The following CES1 variants were observed in gnomAD, a reference collection of about 807,000 sequenced individuals.
The protein encoded by CES1 is carboxylesterase 1.
In CES1, 50 loss-of-function variants were observed where a neutral mutation model predicts 53.0. That is an observed-to-expected ratio of 0.94 (90% confidence interval 0.75 to 1.19). The LOEUF is 1.19. CES1 is among the 50% of genes most tolerant of loss of function. The pLI is 0.00. For missense variants in CES1, 534 were observed against 538.0 expected, an observed-to-expected ratio of 0.99 and a Z score of 0.07; for synonymous variants, 202 against 210.1, an observed-to-expected ratio of 0.96 and a Z score of 0.33.
At chr16:55,827,560 C>G (rs1176592182) in intron 2 of CES1, among the ~76,000 whole-genome samples, 3 of 152,010 alleles carry the variant, frequency 2.0e-5, no homozygotes, top group African/African-American at 7.3e-5. Context: ...TCAGAAATGT[C>G]ATTTCTGAGA....
intron 1 of CES1, among the ~76,000 whole-genome samples, chr16:55,829,799 C>G (rs1461837983): frequency 6.6e-6 from 1 of 152,236 alleles, no homozygotes; most frequent in Non-Finnish European, 1.5e-5. Context: ...AAGGAAGATT[C>G]TTCTGGTGGC....
At chr16:55,826,405 T>G in intron 2 of CES1, 110 bp from the exon 3 acceptor site, 1 of 1,336,760 alleles carries the variant, frequency 7.5e-7, no homozygotes, top group Non-Finnish European at 1.1e-6. Context: ...GACTTGATAG[T>G]TACAGACTCA....
intron 7 of CES1, 116 bp downstream of exon 7, chr16:55,819,419 G>A: frequency 1.2e-6 from 1 of 803,016 alleles, no homozygotes; most frequent in Non-Finnish European, 2.2e-6. Context: ...TCCCCATTCA[G>A]ATACTGAGAG....
rs779931254 is a variant in CES1 at position 55,821,377 on chromosome 16, G to A, written c.684C>T (p.Val228=). ...IFGESAGGES[V]SVLVLSPLAK... ...TGACAGGAAAACTCACAAGAACAGAGACACTTTCTCCTCCCGCTGACTCTC... is the reference window on the plus strand; with the variant it reads ...TGACAGGAAAACTCACAAGAACAGAAACACTTTCTCCTCCCGCTGACTCTC... The change falls in exon 5 of 14, where the codon GTC becomes GTT. Residue 228 remains valine (V), a synonymous_variant. Transcript: ENST00000360526. The A allele has an allele frequency of 3.7e-5, 60 of 1,614,220 alleles. No individual in the cohort carries two copies. In the Middle Eastern group the frequency reaches 4.6e-3, roughly 124 times the overall value.
At chr16:55,814,934 C>G (rs1483442782) in intron 8 of CES1, among the ~76,000 whole-genome samples, 1 of 152,234 alleles carries the variant, frequency 6.6e-6, no homozygotes, top group South Asian at 2.1e-4. Context: ...CTGTGCAGTT[C>G]AGGCAGGGCT....
chr16:55,821,665 A>G, intron 4 of CES1, 144 bp from the exon 5 acceptor site: 1 of 877,324 alleles, frequency 1.1e-6, no homozygotes, highest in Non-Finnish European at 1.8e-6. Context: ...TTTCATTAGT[A>G]CAGCATTGTG....
intron 1 of CES1, among the ~76,000 whole-genome samples, 181 bp from the exon 2 acceptor site, chr16:55,829,155 G>A (rs1191376387): frequency 6.6e-6 from 1 of 152,100 alleles, no homozygotes; most frequent in Admixed American, 6.5e-5. Flanking sequence ...CATTGAGCTG[G>A]TTTAATGGGC....
chr16:55,809,512 C>G (rs2031592278), intron 11 of CES1, among the ~76,000 whole-genome samples: 1 of 152,226 alleles, frequency 6.6e-6, no homozygotes, highest in African/African-American at 2.4e-5. Context: ...AGCTGGCACG[C>G]AGGAACAGAC....
intron 3 of CES1, among the ~76,000 whole-genome samples, chr16:55,825,286 C>T (rs1484356890): frequency 6.6e-6 from 1 of 152,232 alleles, no homozygotes; most frequent in Non-Finnish European, 1.5e-5. Flanking sequence ...CGTTCGCAGA[C>T]CTGCTCCCCC....
At chr16:55,813,145 G>A (rs1170069475) in intron 8 of CES1, 102 bp from the exon 9 acceptor site, 1 of 1,499,432 alleles carries the variant, frequency 6.7e-7, no homozygotes, top group East Asian at 2.2e-5. Flanking sequence ...AGACCGGCAT[G>A]GCCATGCGCC....
At chr16:55,822,738 G>A (rs1414564549) in intron 4 of CES1, among the ~76,000 whole-genome samples, 3 of 152,082 alleles carry the variant, frequency 2.0e-5, no homozygotes, top group African/African-American at 4.8e-5. Context: ...GGAGGAGGGA[G>A]GACCAGGAAA....
At chr16:55,828,636 G>A (rs2032508849) in intron 2 of CES1, 131 bp downstream of exon 2, 2 of 1,031,882 alleles carry the variant, frequency 1.9e-6, no homozygotes, top group African/African-American at 1.6e-5. Flanking sequence ...TGAGAGTTCT[G>A]GAATGTTCTT....
At chr16:55,816,440 G>A (rs1228030318) in intron 8 of CES1, among the ~76,000 whole-genome samples, 16 of 152,226 alleles carry the variant, frequency 1.1e-4, no homozygotes, top group African/African-American at 3.9e-4. Context: ...ACCAGAAACT[G>A]TCAACCCACT....
At chr16:55,813,362 T>C (rs1234416532) in intron 8 of CES1, among the ~76,000 whole-genome samples, 2 of 152,120 alleles carry the variant, frequency 1.3e-5, no homozygotes, top group African/African-American at 2.4e-5. Flanking sequence ...GTGTCCACAA[T>C]TGATTTTCGG....
At chr16:55,825,671 AT>A (rs1483377177) in intron 3 of CES1, among the ~76,000 whole-genome samples, 2 of 152,224 alleles carry the variant, frequency 1.3e-5, no homozygotes, top group Non-Finnish European at 2.9e-5. Flanking sequence ...GCCCTACTCC[AT>A]GTCAAAAGCA....
At chr16:55,809,159 G>C (rs1450628864) in intron 11 of CES1, among the ~76,000 whole-genome samples, 2 of 128,412 alleles carry the variant, frequency 1.6e-5, no homozygotes, top group East Asian at 2.1e-4. Context: ...CATAAGTTCA[G>C]TATTGCTCAA....
chr16:55,811,955 G>GC (rs1244726138), intron 9 of CES1, among the ~76,000 whole-genome samples: 1 of 152,184 alleles, frequency 6.6e-6, no homozygotes, highest in Admixed American at 6.5e-5. Context: ...GTTTGTTTCT[G>GC]CCCCAGGTGA....
intron 1 of CES1, among the ~76,000 whole-genome samples, chr16:55,829,611 C>T (rs1439363209): frequency 1.3e-5 from 2 of 152,218 alleles, no homozygotes; most frequent in Non-Finnish European, 2.9e-5. Flanking sequence ...CAGAGCCTGC[C>T]TGGGGAAGGG....
chr16:55,811,863 C>A (rs1425490049), intron 9 of CES1, among the ~76,000 whole-genome samples: 2 of 152,224 alleles, frequency 1.3e-5, no homozygotes, highest in African/African-American at 2.4e-5. Context: ...TCTTCCCAGT[C>A]CCTGTCGAAA....
Sources: gnomAD v4.1 joint callset for allele counts (sites outside exome capture counted in the v4.1 genomes callset) on GRCh38, gnomAD v4.1.1 for gene constraint, MANE v1.5 for transcripts, NCBI Gene and HGNC (gene_info 2026-07-23, HGNC 2026-07-21) for gene names.